The following DAZAP1 variants were observed in gnomAD, a reference collection of about 807,000 sequenced individuals.
DAZAP1 encodes the protein DAZ-associated protein 1.
Under a neutral mutation model 60.1 loss-of-function variants are expected in DAZAP1, and 6 were observed. That is an observed-to-expected ratio of 0.10 (90% CI 0.05 to 0.20). The LOEUF (loss-of-function observed/expected upper bound fraction) is 0.20, where lower values mean the gene tolerates loss of function less well. DAZAP1 is among the 10% of genes least tolerant of loss of function. The pLI, the probability that DAZAP1 is intolerant of heterozygous loss-of-function variation, is 1.00. For missense variants in DAZAP1, 366 were observed against 560.4 expected (o/e 0.65, Z 3.50); for synonymous variants, 235 against 215.9 (o/e 1.09, Z -0.78).
chr19:1,408,353 G>A (rs2144670084), intron 1 of DAZAP1, among the ~76,000 whole-genome samples: 1 of 152,062 alleles, frequency 6.6e-6, no homozygotes, highest in East Asian at 1.9e-4. Context: ...GGGCGCCGTC[G>A]CCGCCGCCTC....
At chr19:1,417,375 C>T (rs2083017417) in intron 1 of DAZAP1, 125 bp from the exon 2 acceptor site, 11 of 1,043,258 alleles carry the variant, frequency 1.1e-5, no homozygotes, top group South Asian at 2.8e-5. Flanking sequence ...TATGCCGTCA[C>T]GTGCACAAGG....
chr19:1,430,477 G>A (rs905637251), intron 10 of DAZAP1, 115 bp downstream of exon 10: 4 of 1,014,260 alleles, frequency 3.9e-6, no homozygotes, highest in Non-Finnish European at 5.5e-6. Flanking sequence ...CAGGTGGGGT[G>A]CCGGCTGGTC....
rs1447847321 is a variant in DAZAP1 at position 1,433,611 on chromosome 19, C to T, written c.1048+921C>T. 1 of 751,930 alleles carries T rather than the reference C, an allele frequency of 1.3e-6. No individual in the cohort carries two copies. Among genetic ancestry groups the T allele is most frequent in the Non-Finnish European group, 2.2e-6 (1 of 447,486 alleles). 46.6% of individuals were successfully genotyped at this position (751,930 alleles called of 1,614,324 possible). A position where few individuals can be genotyped will look rare whatever the true frequency, so the allele number is the denominator to read the frequency against. ...ATGTGTGGGTTCTTGACCCACTCACCACCAAACCCTGGCGTGTCTGAGACT... is the reference window on the plus strand; with the variant it reads ...ATGTGTGGGTTCTTGACCCACTCACTACCAAACCCTGGCGTGTCTGAGACT... On this transcript the variant is annotated intron_variant, in intron 11 of 11. Transcript: ENST00000233078. The surrounding 1 kb of genome is among the most constrained non-coding windows in gnomAD (Gnocchi z 6.1).
Position 1,422,436 on chromosome 19 carries a change from T to G in DAZAP1, c.463+40T>G. 1 of 1,598,674 alleles carries G rather than the reference T, an allele frequency of 6.3e-7. No individual in the cohort carries two copies. The highest frequency in any genetic ancestry group is 1.1e-5 in the South Asian group (1 of 90,510). ...AGTTTGACCTCGGCCTTCTCCCTGC[T>G]CCTCCCTCAGATGGCAAACTATCTC... On this transcript the variant is annotated intron_variant, in intron 6 of 11. Transcript: ENST00000233078. The surrounding 1 kb of genome is among the most constrained non-coding windows in gnomAD (Gnocchi z 4.5).
At chr19:1,417,882 G>C (rs1370529829) in intron 2 of DAZAP1, among the ~76,000 whole-genome samples, 1 of 152,180 alleles carries the variant, frequency 6.6e-6, no homozygotes, top group Non-Finnish European at 1.5e-5. Flanking sequence ...GTGTAGCAAA[G>C]TCGGCGCTCC....
intron 4 of DAZAP1, among the ~76,000 whole-genome samples, chr19:1,419,198 T>C (rs60221474): frequency 0.22 from 33,807 of 152,196 alleles, 5,862 homozygotes; most frequent in African/African-American, 0.47. Context: ...GACAGGGCAC[T>C]GTCCTGGCAT....
intron 1 of DAZAP1, among the ~76,000 whole-genome samples, chr19:1,415,462 C>T (rs2082955132): frequency 7.7e-6 from 1 of 129,794 alleles, no homozygotes; most frequent in Non-Finnish European, 1.6e-5. Flanking sequence ...GAGCATTTTT[C>T]CGGTCGGTTC....
In DAZAP1 at chr19:1,429,982, C is replaced by T. The variant is rs865991123; in HGVS notation, c.716C>T (p.Ala239Val). The T allele has an allele frequency of 6.4e-7, 1 of 1,571,952 alleles. No individual in the cohort carries two copies. The highest frequency in any genetic ancestry group is 8.6e-7 in the Non-Finnish European group (1 of 1,157,516). The change falls in exon 9 of 12, where the codon GCA (alanine) becomes GTA (valine). Residue 239 changes from alanine (A) to valine (V), a missense_variant. Ala to Val is a moderately conservative substitution (Grantham distance 64). Coordinates refer to ENST00000233078, the MANE Select transcript of DAZAP1 (RefSeq NM_018959.4). ...TCTTATCTAGGAATGTGGGTGCCGG[C>T]AGGACAGGCGATTGGTAAGTCCTTG... ...GYGPQGMWVP[A>V]GQAIGGYGPP...
chr19:1,428,542 G>A lies in DAZAP1; in HGVS notation c.547-300G>A, dbSNP rs1026633554. On this transcript the variant is annotated intron_variant, in intron 7 of 11. Coordinates refer to ENST00000233078, the MANE Select transcript of DAZAP1 (RefSeq NM_018959.4). This position sits in a 1 kb window ranked among gnomAD's most constrained non-coding sequence, Gnocchi z 4.0. ...ATTTTACTTGAGTGAAAGACCCTTC[G>A]TCACGCACGAAACCCCCGAGGGCTC... is the stretch of plus-strand genomic sequence containing the variant. 9.7e-6 allele frequency: 3 copies of A among 310,854 alleles called. No homozygotes were observed. Among genetic ancestry groups the A allele is most frequent in the African/African-American group, 2.2e-5 (1 of 45,342 alleles). The allele number at this position is 310,854 out of a possible 1,614,324, so 19.3% of individuals were successfully genotyped here. A position where few individuals can be genotyped will look rare whatever the true frequency, so the allele number is the denominator to read the frequency against.
intron 6 of DAZAP1, among the ~76,000 whole-genome samples, chr19:1,424,556 C>T (rs914836651): frequency 1.3e-5 from 2 of 151,906 alleles, no homozygotes; most frequent in African/African-American, 2.4e-5. Context: ...GTCCCAGCTA[C>T]AGCAGCCCTG....
At chr19:1,417,814 G>A (rs2144769538) in intron 2 of DAZAP1, among the ~76,000 whole-genome samples, 1 of 152,330 alleles carries the variant, frequency 6.6e-6, no homozygotes, top group African/African-American at 2.4e-5. Flanking sequence ...TTGTCTGGAA[G>A]TGCAGAGGGC....
Position 1,407,669 on chromosome 19 carries a change from A to G in DAZAP1, c.-105A>G. ...GCCGCCGCCGCCGCCGCCGTTGCGC[A>G]GATCCGGGCCGCGGCTGTGGGGAGG... On this transcript the variant is annotated 5_prime_UTR_variant, in exon 1 of 12. Coordinates refer to ENST00000233078, the MANE Select transcript of DAZAP1 (RefSeq NM_018959.4). 3.5e-6 allele frequency: 2 copies of G among 563,692 alleles called. No homozygotes were observed. Among genetic ancestry groups the G allele is most frequent in the Non-Finnish European group, 4.3e-6 (2 of 460,030 alleles). The allele number at this position is 563,692 out of a possible 1,614,324, so 34.9% of individuals were successfully genotyped here.
In DAZAP1 at chr19:1,430,254, G is replaced by GGCCCCCC; in HGVS notation, c.763_764insGCCCCCC (p.Ala255GlyfsTer174). 1.9e-5 allele frequency: 24 copies of GGCCCCCC among 1,295,222 alleles called. No individual in the cohort carries two copies. The highest frequency in any genetic ancestry group is 2.5e-5 in the Non-Finnish European group (23 of 924,038). The allele number at this position is 1,295,222 out of a possible 1,614,324, so 80.2% of individuals were successfully genotyped here. ...TGGACCGCCCCCTGCAGGAAGAGGA[G>GGCCCCCC]CCCCCCCGCCACCCCCACCGTTCAC... On this transcript the variant is annotated frameshift_variant, in exon 10 of 12. Transcript: ENST00000233078. LOFTEE classifies it high-confidence loss of function.
At chr19:1,429,366 G>C (rs559556842) in intron 8 of DAZAP1, among the ~76,000 whole-genome samples, 1 of 152,370 alleles carries the variant, frequency 6.6e-6, no homozygotes, top group South Asian at 2.1e-4. Context: ...CCCCTGGGGG[G>C]CTTGAGGAGC....
intron 1 of DAZAP1, among the ~76,000 whole-genome samples, chr19:1,412,511 G>A (rs2082859867): frequency 6.6e-6 from 1 of 152,174 alleles, no homozygotes; most frequent in East Asian, 1.9e-4. Context: ...TTGGTCCCCC[G>A]GCCCAGCAGG....
chr19:1,421,399 C>G (rs546392842), intron 5 of DAZAP1, 141 bp downstream of exon 5: 1 of 689,202 alleles, frequency 1.5e-6, no homozygotes, highest in Admixed American at 2.8e-5. Context: ...ATTTCCCCAA[C>G]GCCTGCGCCC....
rs1380340063 is a variant in DAZAP1, at chr19:1,421,226, G to C, written c.382G>C (p.Glu128Gln). 1 of 1,614,082 alleles carries C rather than the reference G, an allele frequency of 6.2e-7. No homozygotes were observed. The highest frequency in any genetic ancestry group is 8.5e-7 in the Non-Finnish European group (1 of 1,180,022). Residue 128 changes from glutamate (E) to glutamine (Q), a missense_variant, in exon 5 of 12, where the codon GAG (glutamate) becomes CAG (glutamine). By Grantham distance (29) the Glu-to-Gln change is conservative. Coordinates refer to ENST00000233078, the MANE Select transcript of DAZAP1 (RefSeq NM_018959.4). ...AATTCCTCACAATTGTGGTGAGACA[G>C]AGCTCAGGGAATACTTCAAGAAGTT... is the stretch of plus-strand genomic sequence containing the variant. The part of the protein sequence containing the change: ...GGIPHNCGET[E>Q]LREYFKKFGV...
rs2083233173 is a variant in DAZAP1, at chr19:1,423,952, T to G, written c.463+1556T>G. On this transcript the variant is annotated intron_variant, in intron 6 of 11. Transcript: ENST00000233078. The surrounding 1 kb of genome is among the most constrained non-coding windows in gnomAD (Gnocchi z 6.8). ...CCTTAGCTGTTGGGCTTTGAAAGTGTCCCTTGGGTGTCAGGCGAGTGGAGG... is the reference window on the plus strand; with the variant it reads ...CCTTAGCTGTTGGGCTTTGAAAGTGGCCCTTGGGTGTCAGGCGAGTGGAGG... Among the ~76,000 whole-genome samples, 1 of 152,180 alleles carries G rather than the reference T, an allele frequency of 6.6e-6. No individual in the cohort carries two copies. The highest frequency in any genetic ancestry group is 1.5e-5 in the Non-Finnish European group (1 of 68,026).
rs376028688 is a variant in DAZAP1, at chr19:1,424,903, C to T, written c.464-975C>T. Among the ~76,000 whole-genome samples the T allele has an allele frequency of 1.2e-4, 19 of 152,288 alleles. No individual in the cohort carries two copies. The East Asian group carries it at 1.6e-3, about 12-fold the overall frequency. On this transcript the variant is annotated intron_variant, in intron 6 of 11. Transcript: ENST00000233078. ...TTTGCGGTGTCACGCTCCACCTAGC[C>T]GGGGAGGCCTGGAGAGCCCGGCGCA...
Sources: allele counts gnomAD v4.1 joint callset (sites outside exome capture counted in the v4.1 genomes callset), GRCh38; gene constraint gnomAD v4.1.1; non-coding constraint Gnocchi (gnomAD v3.1); transcripts MANE v1.5; gene names NCBI Gene and HGNC (gene_info 2026-07-23, HGNC 2026-07-21).